Variants in TEAD1 observed in about 807,000 individuals in gnomAD.
TEAD1 encodes transcriptional enhancer factor TEF-1.
TEAD1 carries 9 observed loss-of-function variants against 54.9 expected under a neutral mutation model. That is an observed-to-expected ratio of 0.16 (90% confidence interval 0.10 to 0.29). The LOEUF (loss-of-function observed/expected upper bound fraction) is 0.29, where lower values mean the gene tolerates loss of function less well. Among genes scored for constraint, TEAD1 ranks in the 10% least tolerant of loss-of-function variants. TEAD1 has a pLI of 1.00. For synonymous variants in TEAD1, 200 were observed against 187.8 expected (o/e 1.07, Z -0.53); for missense variants, 387 against 535.9 (o/e 0.72, Z 2.74).
intron 3 of TEAD1, among the ~76,000 whole-genome samples, chr11:12,814,854 G>A (rs1176261242): frequency 3.5e-5 from 5 of 143,474 alleles, no homozygotes; most frequent in Admixed American, 7.0e-5. Flanking sequence ...CGTCCGTCCC[G>A]AGCTGTGTGT....
chr11:12,712,261 G>C (rs891090145), intron 2 of TEAD1, among the ~76,000 whole-genome samples: 2 of 152,042 alleles, frequency 1.3e-5, no homozygotes, highest in African/African-American at 4.8e-5. Flanking sequence ...TAGTACTCAG[G>C]ATATAAAAAT....
intron 2 of TEAD1, among the ~76,000 whole-genome samples, chr11:12,757,264 C>T (rs756089961): frequency 6.6e-6 from 1 of 152,138 alleles, no homozygotes; most frequent in Non-Finnish European, 1.5e-5. Context: ...TCTTCCTTGG[C>T]CACCTCCTTG....
intron 10 of TEAD1, among the ~76,000 whole-genome samples, chr11:12,916,151 CT>C (rs981720251): frequency 6.6e-6 from 1 of 151,882 alleles, no homozygotes; most frequent in African/African-American, 2.4e-5. Context: ...TAATGATGGC[CT>C]TTTTTTTAGT....
chr11:12,768,984 C>G (rs1242734096), intron 3 of TEAD1, among the ~76,000 whole-genome samples: 1 of 152,192 alleles, frequency 6.6e-6, no homozygotes, highest in African/African-American at 2.4e-5. Flanking sequence ...TCCCAGATCA[C>G]AAGCCTGGCC....
At chr11:12,717,331 C>A (rs1441189288) in intron 2 of TEAD1, among the ~76,000 whole-genome samples, 1 of 152,136 alleles carries the variant, frequency 6.6e-6, no homozygotes, top group Admixed American at 6.5e-5. Flanking sequence ...CTAGCTACAC[C>A]TGAAACATGA....
chr11:12,736,008 A>G (rs1944523316), intron 2 of TEAD1, among the ~76,000 whole-genome samples: 1 of 152,210 alleles, frequency 6.6e-6, no homozygotes, highest in African/African-American at 2.4e-5. Context: ...GCCATGTTTT[A>G]TCCTCCAGCT....
chr11:12,820,931 G>A (rs1025934689), intron 3 of TEAD1, among the ~76,000 whole-genome samples: 5 of 152,192 alleles, frequency 3.3e-5, no homozygotes, highest in African/African-American at 1.2e-4. Context: ...TGTAACTTCC[G>A]GAGCTGCTGC....
At chr11:12,929,203 T>G (rs1381691115) in intron 11 of TEAD1, among the ~76,000 whole-genome samples, 4 of 37,282 alleles carry the variant, frequency 1.1e-4, no homozygotes, top group Non-Finnish European at 1.8e-4. Context: ...TGTGTGTGTC[T>G]GCTTTAGGGT....
At chr11:12,772,242 A>G (rs569532762) in intron 3 of TEAD1, among the ~76,000 whole-genome samples, 4 of 152,354 alleles carry the variant, frequency 2.6e-5, no homozygotes, top group South Asian at 4.1e-4. Context: ...TTGACCATGC[A>G]TGGAAGGAGA....
intron 2 of TEAD1, among the ~76,000 whole-genome samples, chr11:12,746,104 C>A (rs1027123578): frequency 6.6e-6 from 1 of 152,216 alleles, no homozygotes; most frequent in South Asian, 2.1e-4. Flanking sequence ...CCTCCTAACT[C>A]CCTACAGTGA....
At chr11:12,929,930 C>T (rs139110012) in intron 11 of TEAD1, among the ~76,000 whole-genome samples, 139 of 152,256 alleles carry the variant, frequency 9.1e-4, no homozygotes, top group African/African-American at 3.1e-3. Context: ...GATCTGTCAA[C>T]GCTTCTTAAA....
chr11:12,700,636 G>C (rs1386833494), intron 2 of TEAD1, among the ~76,000 whole-genome samples: 1 of 152,108 alleles, frequency 6.6e-6, no homozygotes, highest in Non-Finnish European at 1.5e-5. Context: ...TAGAAATTAT[G>C]CTTCTTAACT....
intron 3 of TEAD1, among the ~76,000 whole-genome samples, chr11:12,856,383 C>G (rs1168477805): frequency 6.6e-6 from 1 of 152,036 alleles, no homozygotes; most frequent in African/African-American, 2.4e-5. Context: ...GCAAAGAAGC[C>G]CAGGTCAAAG....
At chr11:12,861,715 G>A (rs1391328823) in intron 3 of TEAD1, among the ~76,000 whole-genome samples, 7 of 152,170 alleles carry the variant, frequency 4.6e-5, no homozygotes, top group South Asian at 2.1e-4. Context: ...AGCTGGGTGC[G>A]GTGGCTCATG....
chr11:12,910,878 C>A (rs555988129), intron 10 of TEAD1, among the ~76,000 whole-genome samples: 1 of 151,834 alleles, frequency 6.6e-6, no homozygotes, highest in South Asian at 2.1e-4. Context: ...TCCCGAGTAG[C>A]TGGGATTACA....
At position 12,741,783 on chromosome 11, in the gene TEAD1, G is replaced by T. The variant is rs544828569; in HGVS notation, c.-54-22396G>T. Among the ~76,000 whole-genome samples, 4 of 152,306 alleles carry T rather than the reference G, an allele frequency of 2.6e-5. No individual in the cohort carries two copies. The East Asian group carries it at 7.7e-4, about 29-fold the overall frequency. ...CAGTAGCAAGGCTCTCATCCTTGCA[G>T]TTGTGGTTCTGGGAAAGCAGAAAGA... is the stretch of plus-strand genomic sequence containing the variant. On this transcript the variant is annotated intron_variant, in intron 2 of 12. Transcript: ENST00000527636.
intron 3 of TEAD1, among the ~76,000 whole-genome samples, chr11:12,842,709 C>T (rs1947065672): frequency 6.6e-6 from 1 of 152,040 alleles, no homozygotes; most frequent in African/African-American, 2.4e-5. Context: ...GCCTGCCTGC[C>T]TTGTCCAATA....
chr11:12,729,803 G>A (rs1040657293), intron 2 of TEAD1, among the ~76,000 whole-genome samples: 5 of 152,144 alleles, frequency 3.3e-5, no homozygotes, highest in Non-Finnish European at 5.9e-5. Flanking sequence ...ATGCCCTCAC[G>A]ATAGAGAATG....
intron 9 of TEAD1, among the ~76,000 whole-genome samples, chr11:12,884,192 T>C (rs112024875): frequency 2.6e-5 from 4 of 152,192 alleles, no homozygotes; most frequent in African/African-American, 9.6e-5. Context: ...CATACATATG[T>C]GATCCTCCCT....
Sources: allele counts gnomAD v4.1 joint callset (sites outside exome capture counted in the v4.1 genomes callset), GRCh38; gene constraint gnomAD v4.1.1; transcripts MANE v1.5; gene names NCBI Gene and HGNC (gene_info 2026-07-23, HGNC 2026-07-21).